Variants in COX7B2 observed in about 807,000 individuals in gnomAD.
COX7B2 encodes the protein cytochrome c oxidase subunit 7B2, also known as cytochrome c oxidase subunit 7B2, mitochondrial.
For synonymous variants in COX7B2, 37 were observed against 32.1 expected (o/e 1.15, Z -0.51); for missense variants, 109 against 95.9 (o/e 1.14, Z -0.57).
intron 2 of COX7B2, among the ~76,000 whole-genome samples, chr4:46,793,489 T>C (rs1718156473): frequency 6.6e-6 from 1 of 152,208 alleles, no homozygotes; most frequent in South Asian, 2.1e-4. Flanking sequence ...GCTCCTGCTC[T>C]GTCACAAGGA....
rs964426657 is a variant in COX7B2, at chr4:46,790,269, A to T, written c.-50+54691T>A. On this transcript the variant is annotated intron_variant, in intron 2 of 2. Coordinates refer to ENST00000355591, the MANE Select transcript of COX7B2 (RefSeq NM_130902.3). ...AATTCTAACCTAAGGTTGGTTCTGC[A>T]GATGATTAACAGTTTGTATGCTAAA... is the stretch of plus-strand genomic sequence containing the variant. Among the ~76,000 whole-genome samples, 4 of 152,308 alleles carry T rather than the reference A, an allele frequency of 2.6e-5. No individual in the cohort carries two copies. The East Asian group carries it at 7.7e-4, about 29-fold the overall frequency.
rs577697968 is a variant in COX7B2, at chr4:46,879,890, T to C, written c.-105+29270A>G. ...TGGTTTTGGACTGGTGTTCTCTGTA[T>C]TAATGAGAACTCACAGTTTTTTTCC... On this transcript the variant is annotated intron_variant, in intron 1 of 2. Coordinates refer to ENST00000355591, the MANE Select transcript of COX7B2 (RefSeq NM_130902.3). Among the ~76,000 whole-genome samples the C allele has an allele frequency of 3.3e-5, 5 of 152,326 alleles. No homozygotes were observed. The South Asian group carries it at 1.0e-3, about 32-fold the overall frequency.
chr4:46,881,831 C>T (rs2109849446), intron 1 of COX7B2, among the ~76,000 whole-genome samples: 1 of 152,260 alleles, frequency 6.6e-6, no homozygotes, highest in African/African-American at 2.4e-5. Flanking sequence ...CAGTTGTCTT[C>T]TGCTAGCTTT....
At chr4:46,766,760 G>A (rs767136954) in intron 2 of COX7B2, among the ~76,000 whole-genome samples, 3 of 150,124 alleles carry the variant, frequency 2.0e-5, no homozygotes, top group African/African-American at 4.9e-5. Context: ...TTTTGCATAT[G>A]GTTGAAATTA....
At chr4:46,800,295 G>T (rs1718585178) in intron 2 of COX7B2, among the ~76,000 whole-genome samples, 1 of 152,100 alleles carries the variant, frequency 6.6e-6, no homozygotes, top group Non-Finnish European at 1.5e-5. Flanking sequence ...AACCAAAAAT[G>T]AGTCAGAACA....
chr4:46,846,772 G>A (rs1266797560), intron 1 of COX7B2, among the ~76,000 whole-genome samples: 1 of 152,066 alleles, frequency 6.6e-6, no homozygotes, highest in Non-Finnish European at 1.5e-5. Flanking sequence ...AATGGTCAGA[G>A]ACTGAATATA....
At chr4:46,794,755 G>A (rs1047446602) in intron 2 of COX7B2, among the ~76,000 whole-genome samples, 1 of 152,128 alleles carries the variant, frequency 6.6e-6, no homozygotes, top group Non-Finnish European at 1.5e-5. Context: ...ATAATAATCT[G>A]ACTCACACAG....
Position 46,760,251 on chromosome 4 carries a change from T to C in COX7B2, c.-49-25010A>G, listed in dbSNP as rs181591284. Reference sequence around the variant, plus strand: ...TAAATCATTCTACTATAAAGACACATGAATACATATGTTTATTGCAGCCCT... The same window carrying C: ...TAAATCATTCTACTATAAAGACACACGAATACATATGTTTATTGCAGCCCT... On this transcript the variant is annotated intron_variant, in intron 2 of 2. Coordinates refer to ENST00000355591, the MANE Select transcript of COX7B2 (RefSeq NM_130902.3). Among the ~76,000 whole-genome samples the C allele has an allele frequency of 1.8e-3, 279 of 152,284 alleles. 1 individual carries two copies. In the Middle Eastern group the frequency reaches 0.02, roughly 11 times the overall value.
At chr4:46,801,298 G>A (rs933460531) in intron 2 of COX7B2, among the ~76,000 whole-genome samples, 1 of 152,062 alleles carries the variant, frequency 6.6e-6, no homozygotes, top group Admixed American at 6.6e-5. Flanking sequence ...GTTTATCACG[G>A]CCCTACTTAC....
intron 2 of COX7B2, among the ~76,000 whole-genome samples, chr4:46,794,826 A>T (rs956167077): frequency 4.6e-5 from 7 of 152,178 alleles, no homozygotes; most frequent in African/African-American, 7.2e-5. Context: ...AGAATAGAAA[A>T]TAGTAGGAGC....
At chr4:46,854,672 C>T (rs1716898594) in intron 1 of COX7B2, among the ~76,000 whole-genome samples, 1 of 151,962 alleles carries the variant, frequency 6.6e-6, no homozygotes, top group South Asian at 2.1e-4. Flanking sequence ...AATCTGGCAG[C>T]ATGTATCAAA....
chr4:46,832,943 T>C (rs547759141), intron 2 of COX7B2, among the ~76,000 whole-genome samples: 38 of 152,184 alleles, frequency 2.5e-4, no homozygotes, highest in African/African-American at 7.7e-4. Context: ...CTCGCTCTTG[T>C]TGCCCAGGCT....
intron 1 of COX7B2, among the ~76,000 whole-genome samples, chr4:46,865,984 G>A (rs576151859): frequency 1.3e-5 from 2 of 152,222 alleles, no homozygotes; most frequent in South Asian, 2.1e-4. Flanking sequence ...GGGAGATTGG[G>A]TACTAGTACC....
chr4:46,886,628 C>A (rs907233368), intron 1 of COX7B2, among the ~76,000 whole-genome samples: 3 of 152,010 alleles, frequency 2.0e-5, no homozygotes, highest in Admixed American at 2.0e-4. Flanking sequence ...TGATATAAAT[C>A]TTAAAGTTTG....
At chr4:46,812,875 C>G (rs1480459633) in intron 2 of COX7B2, among the ~76,000 whole-genome samples, 1 of 152,194 alleles carries the variant, frequency 6.6e-6, no homozygotes, top group African/African-American at 2.4e-5. Context: ...AGAGGTACAG[C>G]TGCTTCATTG....
chr4:46,861,957 C>G (rs1397024269), intron 1 of COX7B2, among the ~76,000 whole-genome samples: 1 of 152,224 alleles, frequency 6.6e-6, no homozygotes, highest in Non-Finnish European at 1.5e-5. Context: ...CCAGCCTACA[C>G]TCCCTACTAT....
chr4:46,796,571 A>T (rs1234457051), intron 2 of COX7B2, among the ~76,000 whole-genome samples: 2 of 100,868 alleles, frequency 2.0e-5, no homozygotes, highest in African/African-American at 9.1e-5. Flanking sequence ...ATACCATTTG[A>T]CCCAGCCATC....
At chr4:46,763,733 C>T (rs1178488354) in intron 2 of COX7B2, among the ~76,000 whole-genome samples, 2 of 152,080 alleles carry the variant, frequency 1.3e-5, no homozygotes, top group African/African-American at 4.8e-5. Flanking sequence ...GATTAATGGA[C>T]TAAAGACTAA....
intron 1 of COX7B2, among the ~76,000 whole-genome samples, chr4:46,905,814 C>CTTTTTTTTCT (rs1720346305): frequency 5.6e-5 from 4 of 71,690 alleles, no homozygotes; most frequent in Admixed American, 2.1e-4. Flanking sequence ...GCATATATTT[C>CTTTTTTTTCT]TTTTTTTTTT....
Sources: gnomAD v4.1 joint callset for allele counts (sites outside exome capture counted in the v4.1 genomes callset) on GRCh38, gnomAD v4.1.1 for gene constraint, MANE v1.5 for transcripts, NCBI Gene and HGNC (gene_info 2026-07-23, HGNC 2026-07-21) for gene names.